EIF2AK3: variants seen among roughly 807,000 people sequenced by gnomAD.
EIF2AK3 encodes the protein eukaryotic translation initiation factor 2-alpha kinase 3.
In EIF2AK3, 50 loss-of-function variants were observed where a neutral mutation model predicts 113.5. The ratio of observed to expected loss-of-function variants is 0.44; its 90% CI spans 0.35 to 0.56. EIF2AK3 has a LOEUF of 0.56. Among genes scored for constraint, EIF2AK3 ranks in the 20% least tolerant of loss-of-function variants. EIF2AK3 has a pLI of 0.00. For synonymous variants in EIF2AK3, 448 were observed against 495.4 expected (o/e 0.90, Z 1.27); for missense variants, 1,185 against 1,378.0 (o/e 0.86, Z 2.22).
At chr2:88,604,083 A>T (rs1675214072) in intron 2 of EIF2AK3, among the ~76,000 whole-genome samples, 2 of 152,096 alleles carry the variant, frequency 1.3e-5, no homozygotes, top group African/African-American at 4.8e-5. Context: ...TCTCTTAACT[A>T]GTGTGGGAGA....
intron 10 of EIF2AK3, among the ~76,000 whole-genome samples, chr2:88,580,517 C>G (rs1674572642): frequency 6.6e-6 from 1 of 152,084 alleles, no homozygotes; most frequent in Non-Finnish European, 1.5e-5. Context: ...TATGTGTAAG[C>G]AGCTCCCTTC....
intron 15 of EIF2AK3, among the ~76,000 whole-genome samples, chr2:88,560,768 T>C (rs1573381213): frequency 6.6e-6 from 1 of 152,090 alleles, no homozygotes; most frequent in Admixed American, 6.5e-5. Context: ...TTTCATTCAT[T>C]GTACAGAACA....
chr2:88,585,729 G>T, intron 9 of EIF2AK3, 112 bp downstream of exon 9: 1 of 1,000,434 alleles, frequency 1.0e-6, no homozygotes, highest in African/African-American at 1.6e-5. Context: ...GAGAACTTTG[G>T]CAAGAGTAGC....
chr2:88,592,634 A>T (rs535838940), intron 4 of EIF2AK3, among the ~76,000 whole-genome samples: 1 of 152,096 alleles, frequency 6.6e-6, no homozygotes, highest in South Asian at 2.1e-4. Flanking sequence ...ATGGTGGCGC[A>T]TGCCTGTCAT....
Position 88,594,656 on chromosome 2 carries a change from C to T in EIF2AK3, c.633+813G>A, listed in dbSNP as rs1398398122. ...TCAGATAGATCTAAGTTAAATGTGA[C>T]CCTGGAAGTTTCTGAACCTTTTAAA... is the stretch of plus-strand genomic sequence containing the variant. On this transcript the variant is annotated intron_variant, in intron 3 of 16. Transcript: ENST00000303236. 2.0e-5 allele frequency among the ~76,000 whole-genome samples: 3 copies of T among 152,070 alleles called. No individual in the cohort carries two copies. The East Asian group carries it at 5.8e-4, about 29-fold the overall frequency.
chr2:88,568,237 G>A (rs547365276), intron 14 of EIF2AK3, among the ~76,000 whole-genome samples: 4 of 152,274 alleles, frequency 2.6e-5, no homozygotes, highest in Admixed American at 2.6e-4. Flanking sequence ...AGTGGTTCTT[G>A]AAGTATGGTC....
At chr2:88,607,266 T>A (rs1330883677) in intron 2 of EIF2AK3, among the ~76,000 whole-genome samples, 2 of 152,184 alleles carry the variant, frequency 1.3e-5, no homozygotes, top group Non-Finnish European at 2.9e-5. Flanking sequence ...ACAGACAAAT[T>A]TCCTTAGTGC....
chr2:88,616,032 T>C (rs1346171385), intron 1 of EIF2AK3, among the ~76,000 whole-genome samples: 1 of 152,170 alleles, frequency 6.6e-6, no homozygotes, highest in African/African-American at 2.4e-5. Context: ...TCTTTTTTTT[T>C]TGGACTCAGT....
intron 12 of EIF2AK3, chr2:88,575,653 G>A: frequency 1.6e-6 from 1 of 627,244 alleles, no homozygotes; most frequent in Non-Finnish European, 2.8e-6. Context: ...TAATTTTAAA[G>A]CTTAATTTTA....
At chr2:88,588,255 T>G in intron 7 of EIF2AK3, 151 bp from the exon 8 acceptor site, 1 of 514,462 alleles carries the variant, frequency 1.9e-6, no homozygotes, top group Non-Finnish European at 3.2e-6. Flanking sequence ...CCCAGAGCTC[T>G]TGCCTTTGAA....
In EIF2AK3 at chr2:88,570,889, A is replaced by T; in HGVS notation, c.2970T>A (p.Tyr990Ter). 6.2e-7 allele frequency: 1 copy of T among 1,614,102 alleles called. No homozygotes were observed. Among genetic ancestry groups the T allele is most frequent in the Non-Finnish European group, 8.5e-7 (1 of 1,180,012 alleles). Residue 990 changes from tyrosine (Y) to a stop codon, truncating the protein, a stop_gained, in exon 14 of 17, where the codon TAT (tyrosine) becomes TAA (stop). Transcript: ENST00000303236. LOFTEE classifies it high-confidence loss of function. ...AAAAACTCACCTGCTCTGGGCTCAT[A>T]TACAGTTTGGTCCCTACTTGTCCTG... ...RHTGQVGTKL[Y>*]MSPEQIHGNS... is the part of the protein sequence containing the mutation.
chr2:88,597,859 G>A (rs1177217179), intron 2 of EIF2AK3, among the ~76,000 whole-genome samples: 1 of 152,046 alleles, frequency 6.6e-6, no homozygotes, highest in African/African-American at 2.4e-5. Flanking sequence ...TACTTACCAG[G>A]TCAGCTAATG....
Position 88,557,531 on chromosome 2 carries a change from C to G in EIF2AK3, c.*205G>C. 1.6e-6 allele frequency: 1 copy of G among 609,940 alleles called. No individual in the cohort carries two copies. The highest frequency in any genetic ancestry group is 2.9e-6 in the Non-Finnish European group (1 of 344,416). The allele number at this position is 609,940 out of a possible 1,614,324, so 37.8% of individuals were successfully genotyped here. A position where few individuals can be genotyped will look rare whatever the true frequency, so the allele number is the denominator to read the frequency against. On this transcript the variant is annotated 3_prime_UTR_variant, in exon 17 of 17. Coordinates refer to ENST00000303236, the MANE Select transcript of EIF2AK3 (RefSeq NM_004836.7). ...GAGACTAACAAAGAACAAAGATAGC[C>G]CTTTCCTTAAGTATAGCAAAACTCA...
At chr2:88,568,624 C>T (rs371554944) in intron 14 of EIF2AK3, among the ~76,000 whole-genome samples, 1 of 152,166 alleles carries the variant, frequency 6.6e-6, no homozygotes, top group Non-Finnish European at 1.5e-5. Context: ...ATGCTAATAA[C>T]CCTGATCCAA....
At chr2:88,578,833 A>G (rs975129659) in intron 11 of EIF2AK3, among the ~76,000 whole-genome samples, 20 of 152,238 alleles carry the variant, frequency 1.3e-4, no homozygotes, top group African/African-American at 4.6e-4. Context: ...CAAAAGGTAC[A>G]TAAAAAGATG....
intron 4 of EIF2AK3, among the ~76,000 whole-genome samples, chr2:88,593,013 G>A (rs1166966416): frequency 2.0e-5 from 3 of 151,802 alleles, no homozygotes; most frequent in Non-Finnish European, 4.4e-5. Flanking sequence ...GTGGTGGCAC[G>A]TGCCTGTAAT....
chr2:88,589,389 T>G (rs1035792471), intron 6 of EIF2AK3, among the ~76,000 whole-genome samples: 2 of 152,146 alleles, frequency 1.3e-5, no homozygotes, highest in African/African-American at 2.4e-5. Flanking sequence ...TTATGAGTAT[T>G]TGATGATGCA....
chr2:88,588,948 A>C (rs1335608556), intron 6 of EIF2AK3, 47 bp from the exon 7 acceptor site: 1 of 1,600,986 alleles, frequency 6.2e-7, no homozygotes, highest in South Asian at 1.1e-5. Flanking sequence ...TTTTTTAAAA[A>C]GGTTTTTTTA....
intron 10 of EIF2AK3, among the ~76,000 whole-genome samples, chr2:88,582,806 TAA>T: frequency 6.6e-6 from 1 of 152,218 alleles, no homozygotes; most frequent in East Asian, 1.9e-4. Context: ...CCCATATCAC[TAA>T]AGTGATAAGA....
Sources: gnomAD v4.1 joint callset for allele counts (sites outside exome capture counted in the v4.1 genomes callset) on GRCh38, gnomAD v4.1.1 for gene constraint, MANE v1.5 for transcripts, NCBI Gene and HGNC (gene_info 2026-07-23, HGNC 2026-07-21) for gene names.